The following MOSPD1 variants were observed in gnomAD, a reference collection of about 807,000 sequenced individuals.
MOSPD1 encodes the protein motile sperm domain-containing protein 1.
In MOSPD1, 5 loss-of-function variants were observed where a neutral mutation model predicts 16.7. That is an observed-to-expected ratio of 0.30 (90% CI 0.16 to 0.63). The LOEUF (loss-of-function observed/expected upper bound fraction) is 0.63. MOSPD1 is among the 30% of genes least tolerant of loss of function. The pLI is 0.82. For missense variants in MOSPD1, 104 were observed against 153.6 expected, an observed-to-expected ratio of 0.68 and a Z score of 1.71; for synonymous variants, 67 against 59.2, an observed-to-expected ratio of 1.13 and a Z score of -0.61.
In MOSPD1 at chrX:134,891,501, T is replaced by C; in HGVS notation, c.588A>G (p.Lys196=). 1 of 1,211,045 alleles carries C rather than the reference T, an allele frequency of 8.3e-7. No individual in the cohort carries two copies. Among genetic ancestry groups the C allele is most frequent in the Non-Finnish European group, 1.1e-6 (1 of 895,277 alleles). ...PLYLHLSVNQ[K]LVAAYILGLI... The stretch of plus-strand genomic sequence containing the variant: ...TACCTAAGATATAAGCAGCCACTAA[T>C]TTTTGATTCACACTTAAGTGGAGGT... The change falls in exon 5 of 6, where the codon AAA becomes AAG. Residue 196 remains lysine, a synonymous_variant. Transcript: ENST00000370783.
At chrX:134,904,277 T>C (rs886551596) in intron 1 of MOSPD1, among the ~76,000 whole-genome samples, 6 of 112,021 alleles carry the variant, frequency 5.4e-5, no homozygotes, top group Non-Finnish European at 9.4e-5. Flanking sequence ...TTAGTAAAAC[T>C]CAAATTTTGA....
Position 134,888,209 on chromosome X carries a change from T to C in MOSPD1, c.*952A>G. ...TTGGCAAAGTTGTCTTAATAATAAA[T>C]AAAAACTTAAAAAAAAGTCTCAGTG... On this transcript the variant is annotated 3_prime_UTR_variant, in exon 6 of 6. Transcript: ENST00000370783. 1 of 111,463 alleles carries C rather than the reference T, an allele frequency of 9.0e-6. No homozygotes were observed. The highest frequency in any genetic ancestry group is 1.9e-5 in the Non-Finnish European group (1 of 52,911). 9.2% of individuals were successfully genotyped at this position (111,463 alleles called of 1,213,427 possible).
chrX:134,897,546 TAAAAAAAAAAAA>T (rs1221758366), intron 3 of MOSPD1, among the ~76,000 whole-genome samples: 2 of 57,925 alleles, frequency 3.5e-5, no homozygotes, highest in Non-Finnish European at 6.3e-5. Context: ...TCTGTCTTAT[TAAAAAAAAAAAA>T]AAAAAAAAAA....
chrX:134,901,240 T>C (rs1213516920), intron 1 of MOSPD1, among the ~76,000 whole-genome samples: 2 of 112,176 alleles, frequency 1.8e-5, no homozygotes, highest in East Asian at 5.6e-4. Flanking sequence ...TCAAGTCTAA[T>C]TGACAAGCAA....
At chrX:134,913,299 A>AG (rs1347880592) in intron 1 of MOSPD1, among the ~76,000 whole-genome samples, 2 of 111,274 alleles carry the variant, frequency 1.8e-5, no homozygotes, top group Non-Finnish European at 3.8e-5. Flanking sequence ...GCTTGAGCCC[A>AG]GGAGGCAAAG....
At chrX:134,901,041 TA>T (rs2082909114) in intron 1 of MOSPD1, among the ~76,000 whole-genome samples, 11 of 112,094 alleles carry the variant, frequency 9.8e-5, no homozygotes, top group Admixed American at 2.9e-4. Flanking sequence ...TTTTACCAGC[TA>T]TTGAGGCTCG....
At chrX:134,890,349 G>T (rs754984820) in intron 5 of MOSPD1, among the ~76,000 whole-genome samples, 3 of 110,161 alleles carry the variant, frequency 2.7e-5, no homozygotes, top group Non-Finnish European at 5.7e-5. Context: ...ATGGATTATG[G>T]GGAACCACTG....
intron 3 of MOSPD1, among the ~76,000 whole-genome samples, chrX:134,898,649 C>A (rs2082897562): frequency 8.9e-6 from 1 of 112,362 alleles, no homozygotes; most frequent in South Asian, 3.6e-4. Flanking sequence ...TATAGATTAA[C>A]TTCCAGGCTT....
At position 134,899,298 on chromosome X, in the gene MOSPD1, A is replaced by C; in HGVS notation, c.136T>G (p.Phe46Val). 2 of 1,180,597 alleles carry C rather than the reference A, an allele frequency of 1.7e-6. No homozygotes were observed. The highest frequency in any genetic ancestry group is 3.9e-5 in the South Asian group (2 of 50,987). The change falls in exon 2 of 6, where the codon TTT (phenylalanine) becomes GTT (valine). Residue 46 changes from phenylalanine to valine, a missense_variant. Physicochemically the swap from Phe to Val is conservative, Grantham distance 50. Around this residue, in one of 3 missense-constraint regions of MOSPD1, gnomAD observed 21 missense variants for 52.6 expected, o/e 0.40. Coordinates refer to ENST00000370783, the MANE Select transcript of MOSPD1 (RefSeq NM_019556.3). ...GACTCACCTTTGAACTTTAAGGCAA[A>C]CTCATAGGGATTGTACAGTGTCAAC... ...QVLTLYNPYE[F>V]ALKFKVLCTT...
intron 1 of MOSPD1, among the ~76,000 whole-genome samples, chrX:134,913,147 G>A (rs999643364): frequency 3.6e-5 from 4 of 110,788 alleles, no homozygotes; most frequent in Admixed American, 9.7e-5. Context: ...ACCGAGGGGG[G>A]GCAGATCACT....
intron 3 of MOSPD1, 144 bp from the exon 4 acceptor site, chrX:134,897,178 AATCACAGT>A: frequency 2.3e-6 from 1 of 436,064 alleles, no homozygotes; most frequent in Non-Finnish European, 3.9e-6. Flanking sequence ...GATGTTAAAA[AATCACAGT>A]ATAACCCAAA....
intron 1 of MOSPD1, among the ~76,000 whole-genome samples, chrX:134,907,640 G>A (rs12840752): frequency 0.32 from 35,647 of 111,507 alleles, 4,204 homozygotes; most frequent in Non-Finnish European, 0.37. Context: ...CGATGCGGGC[G>A]GATCACTTGA....
chrX:134,902,561 G>C (rs1026436341), intron 1 of MOSPD1, among the ~76,000 whole-genome samples: 4 of 110,450 alleles, frequency 3.6e-5, no homozygotes, highest in African/African-American at 1.3e-4. Flanking sequence ...GGGAATCCAA[G>C]GTGGGAGGAT....
At chrX:134,902,211 C>T (rs183277330) in intron 1 of MOSPD1, among the ~76,000 whole-genome samples, 17 of 109,746 alleles carry the variant, frequency 1.5e-4, no homozygotes, top group African/African-American at 5.6e-4. Context: ...AGTTCGAGAC[C>T]AGCCTGACCA....
Position 134,890,074 on chromosome X carries a change from C to CAAA in MOSPD1, c.611-885_611-883dup, listed in dbSNP as rs10691243. Among the ~76,000 whole-genome samples the CAAA allele has an allele frequency of 1.6e-3, 89 of 56,949 alleles. 3 individuals carry two copies. Among genetic ancestry groups the CAAA allele is most frequent in the South Asian group, 3.4e-3 (3 of 884 alleles). The allele number at this position is 56,949 out of a possible 115,157, so 49.5% of individuals were successfully genotyped here. ...TGGGTGACAGAGCAAGACTTTATCT[C>CAAA]AAAAAAAAAAAAAAAAAAAGATGGA... On this transcript the variant is annotated intron_variant, in intron 5 of 5. Transcript: ENST00000370783.
intron 1 of MOSPD1, among the ~76,000 whole-genome samples, chrX:134,900,707 T>C (rs779834891): frequency 9.0e-6 from 1 of 110,665 alleles, no homozygotes; most frequent in Admixed American, 9.7e-5. Flanking sequence ...ATAATCAATA[T>C]TCTTATTTAC....
At chrX:134,907,001 G>A (rs964065269) in intron 1 of MOSPD1, among the ~76,000 whole-genome samples, 7 of 111,335 alleles carry the variant, frequency 6.3e-5, no homozygotes, top group African/African-American at 2.3e-4. Context: ...AGCTGAGGCG[G>A]GCAGATCACC....
At chrX:134,905,652 T>C (rs1216122094) in intron 1 of MOSPD1, among the ~76,000 whole-genome samples, 2 of 111,912 alleles carry the variant, frequency 1.8e-5, no homozygotes, top group Non-Finnish European at 3.8e-5. Flanking sequence ...TTAGAAACAA[T>C]GTGAAAAATC....
At chrX:134,913,850 G>A (rs1317198856) in intron 1 of MOSPD1, among the ~76,000 whole-genome samples, 7 of 111,767 alleles carry the variant, frequency 6.3e-5, no homozygotes, top group East Asian at 2.8e-4. Flanking sequence ...GTTTAATCTC[G>A]CATCCTGATT....
Sources: allele counts gnomAD v4.1 joint callset (sites outside exome capture counted in the v4.1 genomes callset), GRCh38; gene constraint gnomAD v4.1.1; regional missense constraint gnomAD v4.1.1; transcripts MANE v1.5; gene names NCBI Gene and HGNC (gene_info 2026-07-23, HGNC 2026-07-21).